The following HHIP variants were observed in gnomAD, a reference collection of about 807,000 sequenced individuals.
HHIP encodes hedgehog interacting protein.
HHIP carries 12 observed loss-of-function variants against 74.0 expected under a neutral mutation model. The ratio of observed to expected loss-of-function variants is 0.16; its 90% CI spans 0.10 to 0.26. HHIP has a LOEUF of 0.26. Among genes scored for constraint, HHIP ranks in the 10% least tolerant of loss-of-function variants. The pLI, the probability that HHIP is intolerant of heterozygous loss-of-function variation, is 1.00. For missense variants in HHIP, 788 were observed against 845.0 expected (o/e 0.93, Z 0.84); for synonymous variants, 309 against 311.6 (o/e 0.99, Z 0.09).
intron 10 of HHIP, among the ~76,000 whole-genome samples, chr4:144,717,417 A>G (rs1197670284): frequency 6.6e-6 from 1 of 152,212 alleles, no homozygotes; most frequent in African/African-American, 2.4e-5. Flanking sequence ...TTTTTAGTAC[A>G]AACTGTGTAA....
rs533776160 is a variant in HHIP, at chr4:144,655,948, T to G, written c.473-2842T>G. On this transcript the variant is annotated intron_variant, in intron 2 of 12. Transcript: ENST00000296575. Reference sequence around the variant, plus strand: ...CAGCAGAATATTTACAGATCCAAGATAGTTGATAAATGATCAGAACTTAAA... The same window carrying G: ...CAGCAGAATATTTACAGATCCAAGAGAGTTGATAAATGATCAGAACTTAAA... Among the ~76,000 whole-genome samples the G allele has an allele frequency of 3.0e-3, 459 of 152,190 alleles. 3 individuals are homozygous for G. Among genetic ancestry groups the G allele is most frequent in the African/African-American group, 0.011 (436 of 41,522 alleles).
intron 11 of HHIP, among the ~76,000 whole-genome samples, chr4:144,726,853 C>T (rs897335321): frequency 1.3e-4 from 20 of 152,208 alleles, no homozygotes; most frequent in Non-Finnish European, 1.3e-4. Context: ...TGGCTCTCTT[C>T]AGGGTGCACA....
chr4:144,717,898 C>T (rs963809900), intron 10 of HHIP, among the ~76,000 whole-genome samples: 2 of 152,150 alleles, frequency 1.3e-5, no homozygotes, highest in Non-Finnish European at 2.9e-5. Context: ...ACGGTAACAA[C>T]TTGATAACTG....
intron 7 of HHIP, 66 bp downstream of exon 7, chr4:144,708,377 T>C (rs1185800750): frequency 1.3e-6 from 2 of 1,540,226 alleles, no homozygotes; most frequent in Non-Finnish European, 1.8e-6. Context: ...ACTGGGAAAA[T>C]ATAGCATAGA....
At chr4:144,732,007 GA>G (rs1421493290) in intron 11 of HHIP, among the ~76,000 whole-genome samples, 4 of 152,104 alleles carry the variant, frequency 2.6e-5, no homozygotes, top group Non-Finnish European at 5.9e-5. Flanking sequence ...TCTCCCTGAA[GA>G]GCGCAGTACT....
chr4:144,731,890 C>G (rs1730968819), intron 11 of HHIP, among the ~76,000 whole-genome samples: 1 of 152,116 alleles, frequency 6.6e-6, no homozygotes, highest in Non-Finnish European at 1.5e-5. Flanking sequence ...TTCATGTGTG[C>G]CTGTATCATA....
At chr4:144,718,294 C>A (rs926518136) in intron 10 of HHIP, among the ~76,000 whole-genome samples, 1 of 152,044 alleles carries the variant, frequency 6.6e-6, no homozygotes, top group African/African-American at 2.4e-5. Flanking sequence ...GAAGATGGAG[C>A]CTGTAATAGG....
intron 4 of HHIP, among the ~76,000 whole-genome samples, chr4:144,697,720 T>C (rs1247331901): frequency 2.0e-5 from 3 of 152,082 alleles, no homozygotes; most frequent in Non-Finnish European, 4.4e-5. Flanking sequence ...ATAAATCATA[T>C]ATACATAACA....
intron 2 of HHIP, among the ~76,000 whole-genome samples, chr4:144,656,147 C>T (rs911063311): frequency 1.5e-4 from 23 of 151,968 alleles, no homozygotes; most frequent in African/African-American, 5.6e-4. Context: ...ACTGCAGAAT[C>T]GGGTCATTTA....
At chr4:144,659,984 T>C (rs1421497231) in intron 4 of HHIP, 146 bp downstream of exon 4, 2 of 625,834 alleles carry the variant, frequency 3.2e-6, no homozygotes, top group East Asian at 5.5e-5. Flanking sequence ...ACAATAATTA[T>C]GGCACCTGAA....
In HHIP at chr4:144,652,703, T is replaced by A. The variant is rs1313599836; in HGVS notation, c.378T>A (p.Pro126=). 1 of 1,612,314 alleles carries A rather than the reference T, an allele frequency of 6.2e-7. No individual in the cohort carries two copies. Residue 126 remains proline, a synonymous_variant, in exon 2 of 13, where the codon CCT becomes CCA. Coordinates refer to ENST00000296575, the MANE Select transcript of HHIP (RefSeq NM_022475.3). ...SPHSQSLFHS[P]EREVLERDLV... The stretch of plus-strand genomic sequence containing the variant: ...ATTCTCAAAGCCTGTTCCACTCACC[T>A]GAGAGAGAAGTCTTGGAAAGAGACC...
At chr4:144,707,351 C>CAAAGATGG in intron 6 of HHIP, 91 bp downstream of exon 6, 1 of 1,038,618 alleles carries the variant, frequency 9.6e-7, no homozygotes, top group Non-Finnish European at 1.4e-6. Context: ...TAAGAACCAT[C>CAAAGATGG]TTTGAATGGT....
rs141988002 is a variant in HHIP, at chr4:144,720,172, A to C, written c.1760+1216A>C. On this transcript the variant is annotated intron_variant, in intron 11 of 12. Coordinates refer to ENST00000296575, the MANE Select transcript of HHIP (RefSeq NM_022475.3). ...ATACTATAGTGATTTTTTTTCCACA[A>C]GTGTGAAATTAATGACCTCCATAAG... Among the ~76,000 whole-genome samples, 332 of 152,264 alleles carry C rather than the reference A, an allele frequency of 2.2e-3. 2 individuals are homozygous for C. Among genetic ancestry groups the C allele is most frequent in the African/African-American group, 7.6e-3 (316 of 41,554 alleles).
At chr4:144,674,491 C>A (rs984915540) in intron 4 of HHIP, among the ~76,000 whole-genome samples, 1 of 152,062 alleles carries the variant, frequency 6.6e-6, no homozygotes, top group Non-Finnish European at 1.5e-5. Flanking sequence ...TTTTCCTCCA[C>A]TGTGAGAATA....
chr4:144,687,171 T>C (rs559093318), intron 4 of HHIP, among the ~76,000 whole-genome samples: 1 of 152,334 alleles, frequency 6.6e-6, no homozygotes, highest in African/African-American at 2.4e-5. Flanking sequence ...TGTCTAGGTG[T>C]CAGCCATCCA....
chr4:144,689,939 G>A (rs1032454549), intron 4 of HHIP, among the ~76,000 whole-genome samples: 1 of 152,104 alleles, frequency 6.6e-6, no homozygotes, highest in East Asian at 1.9e-4. Flanking sequence ...CTCCCAAGTA[G>A]CTGGGATTAC....
chr4:144,734,949 A>G, intron 12 of HHIP, 60 bp downstream of exon 12: 1 of 1,465,178 alleles, frequency 6.8e-7, no homozygotes, highest in African/African-American at 1.4e-5. Flanking sequence ...TAGGTACTCA[A>G]GAACTCAACA....
rs1441910392 is a variant in HHIP, at chr4:144,708,233, T to C, written c.1223T>C (p.Ile408Thr). 1.2e-5 allele frequency: 19 copies of C among 1,614,024 alleles called. No homozygotes were observed. Among genetic ancestry groups the C allele is most frequent in the Non-Finnish European group, 1.5e-5 (18 of 1,180,004 alleles). Reference sequence around the variant, plus strand: ...GACATGTGCAACGTGCCTTATTCCATACCAAGGAGCAACCCACACTTCAAC... The same window carrying C: ...GACATGTGCAACGTGCCTTATTCCACACCAAGGAGCAACCCACACTTCAAC... Reference protein sequence around the residue: ...DTDMCNVPYSIPRSNPHFNST... With the variant: ...DTDMCNVPYSTPRSNPHFNST... The change falls in exon 7 of 13, where the codon ATA becomes ACA. Residue 408 changes from isoleucine to threonine, a missense_variant. Ile to Thr is a moderately conservative substitution (Grantham distance 89). Transcript: ENST00000296575.
At chr4:144,726,902 T>C (rs1030809739) in intron 11 of HHIP, among the ~76,000 whole-genome samples, 6 of 152,168 alleles carry the variant, frequency 3.9e-5, no homozygotes, top group Non-Finnish European at 7.3e-5. Flanking sequence ...TTATTTTGTT[T>C]TGTGTGTTTC....
Sources: gnomAD v4.1 joint callset for allele counts (sites outside exome capture counted in the v4.1 genomes callset) on GRCh38, gnomAD v4.1.1 for gene constraint, MANE v1.5 for transcripts, NCBI Gene and HGNC (gene_info 2026-07-23, HGNC 2026-07-21) for gene names.